PTPRC: variants seen among roughly 807,000 people sequenced by gnomAD.
PTPRC encodes the protein protein tyrosine phosphatase receptor type C.
In PTPRC, 44 loss-of-function variants were observed where a neutral mutation model predicts 155.9. The ratio of observed to expected loss-of-function variants is 0.28; its 90% CI spans 0.22 to 0.36. PTPRC has a LOEUF of 0.36. PTPRC is among the 10% of genes least tolerant of loss of function. The probability of loss-of-function intolerance (pLI) is 1.00; values close to 1 mark genes in which losing one functional copy is unlikely to be tolerated. For missense variants in PTPRC, 1,401 were observed against 1,564.6 expected, an observed-to-expected ratio of 0.90 and a Z score of 1.76; for synonymous variants, 525 against 533.1, an observed-to-expected ratio of 0.98 and a Z score of 0.21.
At chr1:198,709,389 G>A (rs772025632) in intron 10 of PTPRC, among the ~76,000 whole-genome samples, 3 of 151,846 alleles carry the variant, frequency 2.0e-5, no homozygotes, top group Non-Finnish European at 4.4e-5. Flanking sequence ...ATTTGAACTT[G>A]TGTCCTCTTC....
chr1:198,742,379 C>T lies in PTPRC; in HGVS notation c.2697+12C>T, dbSNP rs570546013. The stretch of plus-strand genomic sequence containing the variant: ...TGGTTCAAGTAGAGGTATGTTCTAA[C>T]CTTTAGTGATTATTCTCACTTTGGT... On this transcript the variant is annotated intron_variant, in intron 25 of 32. Coordinates refer to ENST00000442510, the MANE Select transcript of PTPRC (RefSeq NM_002838.5). The T allele has an allele frequency of 1.1e-5, 18 of 1,611,402 alleles. No individual in the cohort carries two copies. The South Asian group carries it at 2.0e-4, about 18-fold the overall frequency.
At chr1:198,741,514 A>G (rs7520324) in intron 23 of PTPRC, among the ~76,000 whole-genome samples, 61,568 of 151,516 alleles carry the variant, frequency 0.41, 13,565 homozygotes, top group Non-Finnish European at 0.5. Context: ...CATGCACCCC[A>G]CTTTTATGGT....
At chr1:198,700,626 C>A (rs371203409) in intron 5 of PTPRC, among the ~76,000 whole-genome samples, 2 of 152,124 alleles carry the variant, frequency 1.3e-5, no homozygotes, top group Non-Finnish European at 2.9e-5. Flanking sequence ...TTTAGCAAAC[C>A]CACAGATCCA....
Position 198,722,597 on chromosome 1 carries a change from G to A in PTPRC, c.1720+121G>A, listed in dbSNP as rs74134787. The A allele has an allele frequency of 0.018, 7,940 of 441,076 alleles. 606 individuals carry two copies. Among genetic ancestry groups the A allele is most frequent in the African/African-American group, 0.16 (7,298 of 46,718 alleles). 27.3% of individuals were successfully genotyped at this position (441,076 alleles called of 1,614,324 possible). Reference sequence around the variant, plus strand: ...TAAATGCTTAAATAATATCTCTTCCGTAAATGTAATATTTTTAATTGTCAG... The same window carrying A: ...TAAATGCTTAAATAATATCTCTTCCATAAATGTAATATTTTTAATTGTCAG... On this transcript the variant is annotated intron_variant, in intron 15 of 32. Transcript: ENST00000442510.
intron 11 of PTPRC, among the ~76,000 whole-genome samples, chr1:198,710,530 C>A (rs1196944747): frequency 6.6e-6 from 1 of 152,174 alleles, no homozygotes; most frequent in East Asian, 1.9e-4. Flanking sequence ...GGAAATATTG[C>A]CATCTTAACC....
rs1316182243 is a variant in PTPRC, at chr1:198,752,769, G to C, written c.3506G>C (p.Cys1169Ser). The C allele has an allele frequency of 6.2e-7, 1 of 1,612,152 alleles. No homozygotes were observed. The highest frequency in any genetic ancestry group is 8.5e-7 in the Non-Finnish European group (1 of 1,178,958). Residue 1169 changes from cysteine to serine, a missense_variant, in exon 31 of 33, where the codon TGC becomes TCC. Cys to Ser is a moderately radical substitution (Grantham distance 112, BLOSUM62 -1). This residue lies in a region of PTPRC where 400 missense variants were observed against 389.5 expected (regional missense o/e 1.03). Transcript: ENST00000442510. ...AAGAGTACACCTCTACTCATTCACT[G>C]CAGGTGCGTGGGATTTGGTAGAATG... ...HHKSTPLLIH[C>S]RDGSQQTGIF...
chr1:198,727,024 T>C (rs1654169893), intron 15 of PTPRC, among the ~76,000 whole-genome samples: 2 of 151,878 alleles, frequency 1.3e-5, no homozygotes. Flanking sequence ...CATGCCTGGC[T>C]AATTTTTTGT....
chr1:198,755,992 T>G lies in PTPRC; in HGVS notation c.3732T>G (p.Asp1244Glu). The G allele has an allele frequency of 6.2e-7, 1 of 1,613,324 alleles. No homozygotes were observed. The highest frequency in any genetic ancestry group is 8.5e-7 in the Non-Finnish European group (1 of 1,179,570). The change falls in exon 33 of 33, where the codon GAT becomes GAG. Residue 1244 changes from aspartate to glutamate, a missense_variant. Around this residue, in one of 3 missense-constraint regions of PTPRC, gnomAD observed 400 missense variants for 389.5 expected, o/e 1.03. Transcript: ENST00000442510. ...TAAAGAAAAACAACCATCAAGAAGA[T>G]AAAATTGAATTTGATAATGAAGTGG... The part of the protein sequence containing the change: ...GQVKKNNHQE[D>E]KIEFDNEVDK...
chr1:198,662,890 C>T (rs114481504), intron 2 of PTPRC, among the ~76,000 whole-genome samples: 317 of 152,234 alleles, frequency 2.1e-3, no homozygotes, highest in Non-Finnish European at 3.0e-3. Context: ...TCTCATATCA[C>T]GCTTTCATTC....
At chr1:198,700,222 C>T (rs1263180603) in intron 5 of PTPRC, 3 of 167,144 alleles carry the variant, frequency 1.8e-5, no homozygotes, top group Admixed American at 1.2e-4. Flanking sequence ...GTGTTTATAA[C>T]AACAATGCAG....
intron 2 of PTPRC, among the ~76,000 whole-genome samples, chr1:198,678,606 T>A (rs1665097456): frequency 6.6e-6 from 1 of 152,172 alleles, no homozygotes; most frequent in East Asian, 1.9e-4. Context: ...TATTAAGGCA[T>A]CTGAGATGCA....
In PTPRC at chr1:198,732,351, T is replaced by G; in HGVS notation, c.2026T>G (p.Phe676Val). ...KFPIKEARKP[F>V]NQNKNRYVDI... is the part of the protein sequence containing the mutation. ...TCCTATAAAGGAAGCTCGAAAGCCC[T>G]TTAACCAGAATAAAAACCGTTATGT... The change falls in exon 19 of 33, where the codon TTT (phenylalanine) becomes GTT (valine). Residue 676 changes from phenylalanine (F) to valine (V), a missense_variant. Coordinates refer to ENST00000442510, the MANE Select transcript of PTPRC (RefSeq NM_002838.5). 1 of 1,612,656 alleles carries G rather than the reference T, an allele frequency of 6.2e-7. No individual in the cohort carries two copies. The highest frequency in any genetic ancestry group is 8.5e-7 in the Non-Finnish European group (1 of 1,179,100).
chr1:198,646,159 A>G (rs1662927680), intron 2 of PTPRC, among the ~76,000 whole-genome samples: 1 of 151,858 alleles, frequency 6.6e-6, no homozygotes, highest in Non-Finnish European at 1.5e-5. Flanking sequence ...TAATTCCCTG[A>G]TGATTATATA....
intron 2 of PTPRC, among the ~76,000 whole-genome samples, chr1:198,642,329 A>G (rs953331674): frequency 1.3e-5 from 2 of 151,288 alleles, no homozygotes; most frequent in Non-Finnish European, 3.0e-5. Flanking sequence ...TAAACTAGTT[A>G]TATATTTGTG....
At chr1:198,714,929 C>A (rs1215802361) in intron 12 of PTPRC, among the ~76,000 whole-genome samples, 1 of 151,982 alleles carries the variant, frequency 6.6e-6, no homozygotes, top group Non-Finnish European at 1.5e-5. Flanking sequence ...ATGCAATTGA[C>A]ATTAATTTAG....
chr1:198,704,542 G>A (rs1422717271), intron 8 of PTPRC, 44 bp downstream of exon 8: 3 of 1,613,678 alleles, frequency 1.9e-6, no homozygotes, highest in African/African-American at 1.3e-5. Flanking sequence ...CTTTGGAATA[G>A]CACTTTAATT....
chr1:198,728,546 T>C, intron 16 of PTPRC, 98 bp downstream of exon 16: 1 of 1,444,456 alleles, frequency 6.9e-7, no homozygotes, highest in Non-Finnish European at 9.4e-7. Flanking sequence ...ATGAAATATG[T>C]GAACTAGAGA....
At position 198,716,627 on chromosome 1, in the gene PTPRC, C is replaced by A. The variant is rs945719361; in HGVS notation, c.1292-55C>A. The A allele has an allele frequency of 3.4e-6, 5 of 1,476,136 alleles. No individual in the cohort carries two copies. In the African/African-American group the frequency reaches 5.6e-5, roughly 16 times the overall value. The allele number at this position is 1,476,136 out of a possible 1,614,324, so 91.4% of individuals were successfully genotyped here. ...ATGTAGAGACCAAATTAATTAGGTA[C>A]GTGGTAGTACTGACTTTTAACGACT... On this transcript the variant is annotated intron_variant, in intron 12 of 32. Transcript: ENST00000442510.
chr1:198,652,415 A>C (rs1459026568), intron 2 of PTPRC, among the ~76,000 whole-genome samples: 1 of 151,862 alleles, frequency 6.6e-6, no homozygotes, highest in Admixed American at 6.6e-5. Flanking sequence ...GTGAAATCAG[A>C]AAGCATAATT....
Sources: gnomAD v4.1 joint callset for allele counts (sites outside exome capture counted in the v4.1 genomes callset) on GRCh38, gnomAD v4.1.1 for gene constraint, gnomAD v4.1.1 regional missense constraint, MANE v1.5 for transcripts, NCBI Gene and HGNC (gene_info 2026-07-23, HGNC 2026-07-21) for gene names.